Variants in CACNA1C observed in about 807,000 individuals in gnomAD.
CACNA1C encodes voltage-dependent L-type calcium channel subunit alpha-1C.
Under a neutral mutation model 229.0 loss-of-function variants are expected in CACNA1C, and 30 were observed. That is an observed-to-expected ratio of 0.13 (90% CI 0.10 to 0.18). The LOEUF is 0.18. Ranked by LOEUF, CACNA1C falls within the 10% of genes least tolerant of loss-of-function variation. The pLI is 1.00. For synonymous variants in CACNA1C, 1,114 were observed against 1,132.5 expected (o/e 0.98, Z 0.33); for missense variants, 1,658 against 2,845.0 (o/e 0.58, Z 9.49).
At chr12:2,674,285 C>A (rs1397439190) in intron 38 of CACNA1C, among the ~76,000 whole-genome samples, 1 of 151,812 alleles carries the variant, frequency 6.6e-6, no homozygotes, top group Non-Finnish European at 1.5e-5. Flanking sequence ...GAGCCACAGG[C>A]AGGGGGAAGG....
intron 3 of CACNA1C, among the ~76,000 whole-genome samples, chr12:2,401,632 T>C (rs1030022496): frequency 5.3e-5 from 8 of 152,214 alleles, no homozygotes; most frequent in Non-Finnish European, 5.9e-5. Context: ...CTTCCACTTA[T>C]AGCTTTGTTT....
At position 2,638,911 on chromosome 12, in the gene CACNA1C, G is replaced by A. The variant is rs530561105; in HGVS notation, c.3912+4531G>A. Among the ~76,000 whole-genome samples the A allele has an allele frequency of 2.6e-5, 4 of 152,324 alleles. No homozygotes were observed. The East Asian group carries it at 7.7e-4, about 29-fold the overall frequency. On this transcript the variant is annotated intron_variant, in intron 30 of 46. Coordinates refer to ENST00000399655, the MANE Select transcript of CACNA1C (RefSeq NM_000719.7). ...GGTGGACACACAGGTCAGAGGCCTGGGGATGGAGTCATTCACAACAAGATG... is the reference window on the plus strand; with the variant it reads ...GGTGGACACACAGGTCAGAGGCCTGAGGATGGAGTCATTCACAACAAGATG...
chr12:2,406,869 C>T (rs1366152210), intron 3 of CACNA1C, among the ~76,000 whole-genome samples: 3 of 152,252 alleles, frequency 2.0e-5, no homozygotes, highest in Non-Finnish European at 4.4e-5. Flanking sequence ...GGGTATTATG[C>T]AGCTCCGGAT....
At chr12:2,264,126 G>A (rs2081384459) in intron 3 of CACNA1C, among the ~76,000 whole-genome samples, 1 of 152,212 alleles carries the variant, frequency 6.6e-6, no homozygotes, top group Non-Finnish European at 1.5e-5. Flanking sequence ...AGGGCTCAAA[G>A]CTTACCTCAC....
chr12:2,072,314 C>T (rs1175879612), intron 1 of CACNA1C, among the ~76,000 whole-genome samples: 3 of 152,036 alleles, frequency 2.0e-5, no homozygotes, highest in Admixed American at 6.5e-5. Context: ...TTCTCCTGCC[C>T]CAGCCTCCTG....
intron 6 of CACNA1C, among the ~76,000 whole-genome samples, chr12:2,491,633 A>AAGG (rs567691310): frequency 0.14 from 21,237 of 149,330 alleles, 1,544 homozygotes; most frequent in Middle Eastern, 0.22. Flanking sequence ...AGAGGAGAAG[A>AAGG]AGGAGGAGGA....
intron 3 of CACNA1C, among the ~76,000 whole-genome samples, chr12:2,262,207 A>C (rs2080543687): frequency 6.6e-6 from 1 of 152,224 alleles, no homozygotes. Flanking sequence ...TGGTCCTCCC[A>C]TCAGGGGCTT....
At chr12:2,517,141 A>G (rs2099798583) in intron 9 of CACNA1C, among the ~76,000 whole-genome samples, 1 of 152,222 alleles carries the variant, frequency 6.6e-6, no homozygotes, top group African/African-American at 2.4e-5. Flanking sequence ...GCCTTAACAC[A>G]GGCTGTTGGA....
chr12:2,458,924 C>G (rs1490120886), intron 5 of CACNA1C, among the ~76,000 whole-genome samples: 1 of 151,860 alleles, frequency 6.6e-6, no homozygotes, highest in Non-Finnish European at 1.5e-5. Flanking sequence ...ACAGCACTGC[C>G]TCTTTTAAAG....
At chr12:2,318,680 C>T (rs534370462) in intron 3 of CACNA1C, among the ~76,000 whole-genome samples, 52 of 152,186 alleles carry the variant, frequency 3.4e-4, no homozygotes, top group Non-Finnish European at 4.3e-4. Context: ...GACAGGCAGG[C>T]GCCACACGGC....
intron 3 of CACNA1C, among the ~76,000 whole-genome samples, chr12:2,420,763 T>A (rs1224223943): frequency 2.0e-5 from 3 of 152,206 alleles, no homozygotes; most frequent in African/African-American, 7.2e-5. Flanking sequence ...ACAGCAGGAT[T>A]CCAGCCCTGG....
rs142124023 is a variant in CACNA1C, at chr12:2,069,801, C to T, written c.49+16190C>T. ...GCATTGGGACATTATAGCATAGACT[C>T]AAATGCTTAAAGAGTCTTTTCTTTT... On this transcript the variant is annotated intron_variant, in intron 1 of 46. Transcript: ENST00000399655. 3.6e-3 allele frequency among the ~76,000 whole-genome samples: 542 copies of T among 152,246 alleles called. 9 individuals are homozygous for T. Among genetic ancestry groups the T allele is most frequent in the Admixed American group, 0.022 (333 of 15,282 alleles).
In CACNA1C at chr12:2,343,026, A is replaced by G. The variant is rs2239051; in HGVS notation, c.478-105950A>G. 3.0e-3 allele frequency among the ~76,000 whole-genome samples: 460 copies of G among 152,368 alleles called. 15 individuals carry two copies. The East Asian group carries it at 0.078, about 26-fold the overall frequency. On this transcript the variant is annotated intron_variant, in intron 3 of 46. Transcript: ENST00000399655. Reference sequence around the variant, plus strand: ...TTGCTGATTAAAAGAGAAAAAACAAACAAGCAAGCAACAGACTGAAGCTTT... The same window carrying G: ...TTGCTGATTAAAAGAGAAAAAACAAGCAAGCAAGCAACAGACTGAAGCTTT...
At chr12:2,164,692 A>T (rs1037871380) in intron 3 of CACNA1C, among the ~76,000 whole-genome samples, 1 of 152,228 alleles carries the variant, frequency 6.6e-6, no homozygotes, top group African/African-American at 2.4e-5. Flanking sequence ...AGACTGGGGA[A>T]TCAGACAAAC....
chr12:1,979,639 C>T (rs990999095), intron 1 of CACNA1C, among the ~76,000 whole-genome samples: 11 of 152,194 alleles, frequency 7.2e-5, no homozygotes, highest in African/African-American at 1.4e-4. Flanking sequence ...TAACTACGAA[C>T]GGAACTTGTT....
chr12:2,124,054 C>T (rs1015178765), intron 3 of CACNA1C, among the ~76,000 whole-genome samples: 3 of 151,982 alleles, frequency 2.0e-5, no homozygotes, highest in African/African-American at 7.3e-5. Context: ...TGGACTCTTA[C>T]AGTCACCTCC....
chr12:2,656,896 AT>A (rs1264645163), intron 34 of CACNA1C, among the ~76,000 whole-genome samples: 3 of 152,254 alleles, frequency 2.0e-5, no homozygotes, highest in Non-Finnish European at 2.9e-5. Flanking sequence ...CAAAATCATC[AT>A]TAGCATTAGA....
chr12:2,295,053 G>A (rs2093909583), intron 3 of CACNA1C, among the ~76,000 whole-genome samples: 1 of 152,190 alleles, frequency 6.6e-6, no homozygotes, highest in South Asian at 2.1e-4. Flanking sequence ...GCTGGCTTGA[G>A]TGTGGGAGTC....
At chr12:2,191,957 CAT>C (rs577870472) in intron 3 of CACNA1C, among the ~76,000 whole-genome samples, 58 of 152,096 alleles carry the variant, frequency 3.8e-4, no homozygotes, top group Admixed American at 2.2e-3. Flanking sequence ...TACACGCACA[CAT>C]GTACTCACAG....
Sources: allele counts gnomAD v4.1 joint callset (sites outside exome capture counted in the v4.1 genomes callset), GRCh38; gene constraint gnomAD v4.1.1; transcripts MANE v1.5; gene names NCBI Gene and HGNC (gene_info 2026-07-23, HGNC 2026-07-21).